SESTD1: variants seen among roughly 807,000 people sequenced by gnomAD.
SESTD1 encodes the protein SEC14 domain and spectrin repeat-containing protein 1.
Under a neutral mutation model 101.7 loss-of-function variants are expected in SESTD1, and 43 were observed. That is an observed-to-expected ratio of 0.42 (90% confidence interval 0.33 to 0.55). SESTD1 has a LOEUF of 0.55. Among genes scored for constraint, SESTD1 ranks in the 20% least tolerant of loss-of-function variants. SESTD1 has a pLI of 0.07. For synonymous variants in SESTD1, 283 were observed against 286.8 expected (o/e 0.99, Z 0.13); for missense variants, 647 against 815.1 (o/e 0.79, Z 2.51).
At chr2:179,196,639 G>T (rs925902954) in intron 1 of SESTD1, among the ~76,000 whole-genome samples, 5 of 152,148 alleles carry the variant, frequency 3.3e-5, no homozygotes, top group African/African-American at 1.2e-4. Context: ...TCCTCAAGTG[G>T]GTCCCTGACC....
chr2:179,115,464 A>T (rs2154393767), intron 15 of SESTD1, among the ~76,000 whole-genome samples: 1 of 152,248 alleles, frequency 6.6e-6, no homozygotes, highest in Middle Eastern at 3.4e-3. Flanking sequence ...AATAAGTTTC[A>T]TGGCCAGGCA....
chr2:179,146,802 G>C (rs1241070846), intron 7 of SESTD1, among the ~76,000 whole-genome samples: 1 of 152,002 alleles, frequency 6.6e-6, no homozygotes, highest in Non-Finnish European at 1.5e-5. Flanking sequence ...TAGTAACCCA[G>C]AAATGTAACA....
At chr2:179,247,519 G>A (rs1246242182) in intron 1 of SESTD1, among the ~76,000 whole-genome samples, 1 of 152,072 alleles carries the variant, frequency 6.6e-6, no homozygotes, top group Non-Finnish European at 1.5e-5. Flanking sequence ...AGAACTCTTT[G>A]TCTCACACAA....
At chr2:179,118,576 C>A (rs1193857557) in intron 13 of SESTD1, among the ~76,000 whole-genome samples, 1 of 151,936 alleles carries the variant, frequency 6.6e-6, no homozygotes. Context: ...AATAAAGATG[C>A]TCTGAATAAA....
chr2:179,211,606 T>C lies in SESTD1; in HGVS notation c.-25-19740A>G, dbSNP rs2046651680. Among the ~76,000 whole-genome samples, 2 of 133,132 alleles carry C rather than the reference T, an allele frequency of 1.5e-5. 1 individual carries two copies. Among genetic ancestry groups the C allele is most frequent in the Non-Finnish European group, 3.2e-5 (2 of 62,184 alleles). The allele number at this position is 133,132 out of a possible 152,430, so 87.3% of individuals were successfully genotyped here. On this transcript the variant is annotated intron_variant, in intron 1 of 17. Transcript: ENST00000428443. ...TACTAAACAAATGGTGCTGGGATAA[T>C]TGGCAAGAAACGTCACACACACATG...
rs111942344 is a variant in SESTD1 at position 179,127,737 on chromosome 2, T to C, written c.973-3179A>G. On this transcript the variant is annotated intron_variant, in intron 10 of 17. Transcript: ENST00000428443. ...ATCCTCCTATATCCAATGGTGATGA[T>C]AATATCTGTCTTACCTTGTTTATCA... Among the ~76,000 whole-genome samples the C allele has an allele frequency of 1.8e-3, 269 of 152,344 alleles. 5 individuals are homozygous for C. Among genetic ancestry groups the C allele is most frequent in the African/African-American group, 6.1e-3 (255 of 41,592 alleles).
intron 17 of SESTD1, 91 bp downstream of exon 17, chr2:179,112,633 T>C: frequency 7.0e-7 from 1 of 1,433,946 alleles, no homozygotes. Context: ...CCTAATTTAC[T>C]TGGCTTTTTA....
rs1359849009 is a variant in SESTD1, at chr2:179,215,606, T to C, written c.-25-23740A>G. 3.0e-5 allele frequency among the ~76,000 whole-genome samples: 4 copies of C among 133,976 alleles called. 1 individual carries two copies. Among genetic ancestry groups the C allele is most frequent in the Admixed American group, 7.2e-5 (1 of 13,794 alleles). 87.9% of individuals were successfully genotyped at this position (133,976 alleles called of 152,430 possible). The stretch of plus-strand genomic sequence containing the variant: ...TTCCTTCTCAAACCAGTCCAATCAA[T>C]AGAAAAACAGGGAATCCTCCCTAAC... On this transcript the variant is annotated intron_variant, in intron 1 of 17. Transcript: ENST00000428443.
chr2:179,175,957 A>T (rs1304809488), intron 4 of SESTD1, among the ~76,000 whole-genome samples: 1 of 152,168 alleles, frequency 6.6e-6, no homozygotes, highest in African/African-American at 2.4e-5. Flanking sequence ...GCTACAAATA[A>T]ATAAGATCAT....
intron 7 of SESTD1, among the ~76,000 whole-genome samples, chr2:179,147,566 T>G (rs2045424207): frequency 6.6e-6 from 1 of 152,180 alleles, no homozygotes; most frequent in Non-Finnish European, 1.5e-5. Flanking sequence ...TTCACCATGT[T>G]GGCCAGGATG....
At chr2:179,158,550 A>C (rs1159917479) in intron 5 of SESTD1, among the ~76,000 whole-genome samples, 1 of 152,146 alleles carries the variant, frequency 6.6e-6, no homozygotes, top group Non-Finnish European at 1.5e-5. Flanking sequence ...GTACAGATTC[A>C]CCTTCTTTTA....
At chr2:179,145,110 T>C (rs909633549) in intron 8 of SESTD1, among the ~76,000 whole-genome samples, 21 of 152,298 alleles carry the variant, frequency 1.4e-4, no homozygotes, top group African/African-American at 5.0e-4. Flanking sequence ...TTACATTTTA[T>C]AATTGGAAAA....
chr2:179,149,642 C>T (rs901978256), intron 6 of SESTD1, among the ~76,000 whole-genome samples: 2 of 152,090 alleles, frequency 1.3e-5, no homozygotes, highest in Non-Finnish European at 2.9e-5. Context: ...TATCTTCATT[C>T]TCCATTCAGA....
intron 8 of SESTD1, among the ~76,000 whole-genome samples, chr2:179,146,000 G>A (rs893481459): frequency 1.5e-4 from 23 of 151,842 alleles, no homozygotes; most frequent in African/African-American, 3.4e-4. Flanking sequence ...ATAAAGCTGC[G>A]GTTCCCCCCA....
In SESTD1 at chr2:179,116,689, T is replaced by C. The variant is rs751139819; in HGVS notation, c.1626A>G (p.Arg542=). ...QETKVLLEKH[R]KFVDVAQSTY... ...GCACCTGTGCAACATCAACAAATTT[T>C]CTATGCTTTTCCAGCAAAACTTTCG... Residue 542 remains arginine, a synonymous_variant, in exon 15 of 18, where the codon AGA becomes AGG. Coordinates refer to ENST00000428443, the MANE Select transcript of SESTD1 (RefSeq NM_178123.5). 12 of 1,614,008 alleles carry C rather than the reference T, an allele frequency of 7.4e-6. No homozygotes were observed. The highest frequency in any genetic ancestry group is 5.9e-6 in the Non-Finnish European group (7 of 1,180,000).
rs540188314 is a variant in SESTD1, at chr2:179,213,989, A to G, written c.-25-22123T>C. 1.1e-4 allele frequency among the ~76,000 whole-genome samples: 15 copies of G among 135,098 alleles called. 4 individuals are homozygous for G. The highest frequency in any genetic ancestry group is 4.4e-4 in the African/African-American group (15 of 34,196). 88.6% of individuals were successfully genotyped at this position (135,098 alleles called of 152,430 possible). On this transcript the variant is annotated intron_variant, in intron 1 of 17. Transcript: ENST00000428443. ...AGAGCTCCTGAAGGAAGCACTCAAC[A>G]TGGGAAGGAACAACCGGTACCAGCC...
chr2:179,109,847 GTTGACAACATGCGGGAT>G lies in SESTD1; in HGVS notation c.*35_*51del. 1.9e-6 allele frequency: 3 copies of G among 1,602,616 alleles called. No homozygotes were observed. Among genetic ancestry groups the G allele is most frequent in the Non-Finnish European group, 2.6e-6 (3 of 1,174,058 alleles). On this transcript the variant is annotated 3_prime_UTR_variant, in exon 18 of 18. Coordinates refer to ENST00000428443, the MANE Select transcript of SESTD1 (RefSeq NM_178123.5). Reference sequence around the variant, plus strand: ...GGTGTGGTGGCTAATGCTGTAGTATGTTGACAACATGCGGGATTATGAACTGCAAATCTGTAGGTAGC... The same window carrying G: ...GGTGTGGTGGCTAATGCTGTAGTATGTATGAACTGCAAATCTGTAGGTAGC...
Position 179,191,623 on chromosome 2 carries a change from C to T in SESTD1, c.55+164G>A, listed in dbSNP as rs148286203. ...TAAATTGGCCTGCCAAGAACCAGTA[C>T]AGAGTTAGCTCTCCTAGCTCTTCAT... On this transcript the variant is annotated intron_variant, in intron 2 of 17. Transcript: ENST00000428443. Among the ~76,000 whole-genome samples the T allele has an allele frequency of 5.0e-3, 755 of 152,196 alleles. 4 individuals are homozygous for T. Among genetic ancestry groups the T allele is most frequent in the African/African-American group, 0.017 (726 of 41,538 alleles).
chr2:179,108,902 T>G lies in SESTD1; in HGVS notation c.*997A>C, dbSNP rs1575415537. ...TTTAGACTATAATGAGAAACTAAAT[T>G]TTATTAACAATTGCTATTTTAGTTC... On this transcript the variant is annotated 3_prime_UTR_variant, in exon 18 of 18. Coordinates refer to ENST00000428443, the MANE Select transcript of SESTD1 (RefSeq NM_178123.5). The G allele has an allele frequency of 2.6e-5, 4 of 152,100 alleles. 1 individual carries two copies. The South Asian group carries it at 8.3e-4, about 32-fold the overall frequency. The allele number at this position is 152,100 out of a possible 1,614,324, so 9.4% of individuals were successfully genotyped here. A position where few individuals can be genotyped will look rare whatever the true frequency, so the allele number is the denominator to read the frequency against.
Sources: allele counts gnomAD v4.1 joint callset (sites outside exome capture counted in the v4.1 genomes callset), GRCh38; gene constraint gnomAD v4.1.1; transcripts MANE v1.5; gene names NCBI Gene and HGNC (gene_info 2026-07-23, HGNC 2026-07-21).